Variants in CTNND2 observed in about 807,000 individuals in gnomAD.
The protein encoded by CTNND2 is catenin delta 2.
A neutral mutation model predicts 144.4 loss-of-function variants in CTNND2; 22 were observed. The ratio of observed to expected loss-of-function variants is 0.15; its 90% CI spans 0.11 to 0.22. CTNND2 has a LOEUF of 0.22. Among genes scored for constraint, CTNND2 ranks in the 10% least tolerant of loss-of-function variants. The pLI is 1.00. For synonymous variants in CTNND2, 751 were observed against 695.6 expected (o/e 1.08, Z -1.25); for missense variants, 1,353 against 1,618.8 (o/e 0.84, Z 2.82).
At chr5:11,008,120 T>C (rs542485943) in intron 18 of CTNND2, among the ~76,000 whole-genome samples, 242 of 152,274 alleles carry the variant, frequency 1.6e-3, no homozygotes, top group African/African-American at 5.7e-3. Flanking sequence ...TGGCAGGCGT[T>C]ATATCAGACT....
At chr5:11,897,683 T>C (rs1582087533) in intron 1 of CTNND2, among the ~76,000 whole-genome samples, 1 of 152,214 alleles carries the variant, frequency 6.6e-6, no homozygotes, top group Non-Finnish European at 1.5e-5. Flanking sequence ...CTGAATTTCA[T>C]GGACCATAGT....
intron 2 of CTNND2, among the ~76,000 whole-genome samples, chr5:11,697,332 C>A (rs1247760836): frequency 6.6e-6 from 1 of 152,152 alleles, no homozygotes; most frequent in Non-Finnish European, 1.5e-5. Context: ...ACAGTTCTTC[C>A]ATAAAACACT....
At chr5:11,288,163 G>A (rs985519554) in intron 9 of CTNND2, among the ~76,000 whole-genome samples, 10 of 152,112 alleles carry the variant, frequency 6.6e-5, no homozygotes, top group African/African-American at 2.4e-4. Context: ...ATATTTTAAG[G>A]TGAGGTGGCA....
At chr5:11,554,592 T>C (rs115618270) in intron 3 of CTNND2, among the ~76,000 whole-genome samples, 1,536 of 152,296 alleles carry the variant, frequency 0.01, 10 homozygotes, top group Non-Finnish European at 0.015. Context: ...GTATAATCTA[T>C]CTAACCCATT....
chr5:11,733,134 G>A (rs1432129696), intron 1 of CTNND2, among the ~76,000 whole-genome samples: 1 of 152,140 alleles, frequency 6.6e-6, no homozygotes, highest in African/African-American at 2.4e-5. Context: ...GTTTCCCTGA[G>A]TTCTCTGAGC....
intron 2 of CTNND2, among the ~76,000 whole-genome samples, chr5:11,627,180 T>C (rs1283810178): frequency 2.0e-5 from 3 of 152,198 alleles, no homozygotes; most frequent in Non-Finnish European, 4.4e-5. Flanking sequence ...TAAAAAATAA[T>C]GTTTCTGGAC....
At chr5:11,811,477 C>T (rs1351077346) in intron 1 of CTNND2, among the ~76,000 whole-genome samples, 2 of 151,966 alleles carry the variant, frequency 1.3e-5, no homozygotes, top group Non-Finnish European at 2.9e-5. Context: ...TAAATAAATC[C>T]AATAGGCTAG....
At position 11,082,723 on chromosome 5, in the gene CTNND2, A is replaced by G; in HGVS notation, c.2761T>C (p.Leu921=). 8.1e-6 allele frequency: 13 copies of G among 1,614,194 alleles called. No individual in the cohort carries two copies. The highest frequency in any genetic ancestry group is 1.1e-5 in the Non-Finnish European group (13 of 1,180,028). ...AVATALRNMA[L]DVRNKELIGK... is the part of the protein sequence containing the mutation. ...ATGAGCTCCTTATTTCTGACGTCCA[A>G]GGCCATGTTCCGCAGCGCAGTGGCC... The change falls in exon 16 of 22, where the codon TTG becomes CTG. Residue 921 remains leucine (L), a synonymous_variant. Transcript: ENST00000304623.
chr5:11,040,184 T>C (rs947757636), intron 16 of CTNND2, among the ~76,000 whole-genome samples: 2 of 152,094 alleles, frequency 1.3e-5, no homozygotes, highest in African/African-American at 4.8e-5. Context: ...AGGTGGAGGT[T>C]GCAGTGAGCT....
In CTNND2 at chr5:11,524,262, C is replaced by T. The variant is rs542997566; in HGVS notation, c.287+40682G>A. On this transcript the variant is annotated intron_variant, in intron 3 of 21. Coordinates refer to ENST00000304623, the MANE Select transcript of CTNND2 (RefSeq NM_001332.4). ...CTCAAGACAGCGTGTGCCCTTTCACCTCCTAACAAAACAGTCATTTGAATT... is the reference window on the plus strand; with the variant it reads ...CTCAAGACAGCGTGTGCCCTTTCACTTCCTAACAAAACAGTCATTTGAATT... Among the ~76,000 whole-genome samples the T allele has an allele frequency of 7.2e-5, 11 of 152,312 alleles. No individual in the cohort carries two copies. In the South Asian group the frequency reaches 2.1e-3, roughly 29 times the overall value.
At chr5:11,838,032 A>G (rs1794271684) in intron 1 of CTNND2, among the ~76,000 whole-genome samples, 1 of 152,022 alleles carries the variant, frequency 6.6e-6, no homozygotes, top group Non-Finnish European at 1.5e-5. Context: ...GGATTCTCTG[A>G]CTCCAGTCTT....
At chr5:11,084,051 T>C in intron 15 of CTNND2, 1 of 691,550 alleles carries the variant, frequency 1.4e-6, no homozygotes, top group Non-Finnish European at 1.8e-6. Context: ...CCACACTGTA[T>C]GCTTTTGTCT....
chr5:11,311,541 C>T (rs1750863158), intron 9 of CTNND2, among the ~76,000 whole-genome samples: 1 of 146,966 alleles, frequency 6.8e-6, no homozygotes, highest in Non-Finnish European at 1.5e-5. Flanking sequence ...CACACACACA[C>T]TCTCACCCCA....
At chr5:11,171,367 GAGATTATTTTTCATGGAAA>G (rs1759886942) in intron 11 of CTNND2, among the ~76,000 whole-genome samples, 1 of 152,092 alleles carries the variant, frequency 6.6e-6, no homozygotes, top group Non-Finnish European at 1.5e-5. Flanking sequence ...ATTCTAATAA[GAGATTATTTTTCATGGAAA>G]ATATGCTATC....
intron 12 of CTNND2, among the ~76,000 whole-genome samples, chr5:11,157,476 G>A (rs1758329856): frequency 6.6e-6 from 1 of 152,204 alleles, no homozygotes; most frequent in South Asian, 2.1e-4. Flanking sequence ...CTCACCGGCT[G>A]AGTGCCATTT....
rs58899781 is a variant in CTNND2, at chr5:10,978,595, CA to C, written c.3417+3177del. Among the ~76,000 whole-genome samples the C allele has an allele frequency of 5.9e-4, 90 of 152,312 alleles. No homozygotes were observed. In the East Asian group the frequency reaches 0.017, roughly 29 times the overall value. On this transcript the variant is annotated intron_variant, in intron 21 of 21. Transcript: ENST00000304623. ...TCCACTTCCCTTGGCTGGTCCCTTACAGGGAATGATGGTGGTCCTGAGCTAT... is the reference window on the plus strand; with the variant it reads ...TCCACTTCCCTTGGCTGGTCCCTTACGGGAATGATGGTGGTCCTGAGCTAT...
chr5:11,433,160 G>T (rs561624737), intron 3 of CTNND2, among the ~76,000 whole-genome samples: 1 of 151,790 alleles, frequency 6.6e-6, no homozygotes. Flanking sequence ...GCAGGAGAAT[G>T]GCGTGAACCC....
chr5:11,340,228 G>A (rs948512541), intron 9 of CTNND2, among the ~76,000 whole-genome samples: 5 of 152,166 alleles, frequency 3.3e-5, no homozygotes, highest in African/African-American at 9.7e-5. Flanking sequence ...CCGCGGTACC[G>A]CTTTTGTCAC....
chr5:11,756,120 T>C (rs1788924035), intron 1 of CTNND2, among the ~76,000 whole-genome samples: 1 of 151,838 alleles, frequency 6.6e-6, no homozygotes, highest in Non-Finnish European at 1.5e-5. Flanking sequence ...GCAAAAACTT[T>C]GTGCCTAGAT....
Sources: allele counts gnomAD v4.1 joint callset (sites outside exome capture counted in the v4.1 genomes callset), GRCh38; gene constraint gnomAD v4.1.1; transcripts MANE v1.5; gene names NCBI Gene and HGNC (gene_info 2026-07-23, HGNC 2026-07-21).